The following OTOGL variants were observed in gnomAD, a reference collection of about 807,000 sequenced individuals.
OTOGL encodes the protein otogelin like.
Under a neutral mutation model 318.5 loss-of-function variants are expected in OTOGL, and 285 were observed. The observed-to-expected ratio is 0.89, with a 90% confidence interval of 0.81 to 0.99. OTOGL has a LOEUF of 0.99. OTOGL is among the 50% of genes least tolerant of loss of function. The probability of loss-of-function intolerance (pLI) is 0.00; values close to 1 mark genes in which losing one functional copy is unlikely to be tolerated. For missense variants in OTOGL, 2,899 were observed against 2,845.6 expected (o/e 1.02, Z -0.43); for synonymous variants, 987 against 936.5 (o/e 1.05, Z -0.99).
chr12:80,307,348 C>T (rs1021474397), intron 29 of OTOGL, among the ~76,000 whole-genome samples: 31 of 151,858 alleles, frequency 2.0e-4, no homozygotes, highest in African/African-American at 5.1e-4. Context: ...GGGTGGTGGC[C>T]GGGCAGAGGG....
chr12:80,329,337 C>A (rs997847598), intron 37 of OTOGL, among the ~76,000 whole-genome samples: 3 of 152,138 alleles, frequency 2.0e-5, no homozygotes, highest in African/African-American at 7.2e-5. Flanking sequence ...CTGAGACCCC[C>A]AAGTGCTGAG....
intron 20 of OTOGL, chr12:80,265,611 T>C (rs1421275772): frequency 5.0e-6 from 1 of 200,890 alleles, no homozygotes; most frequent in African/African-American, 2.3e-5. Context: ...TATCAAGTTA[T>C]TGGGGCTCTA....
chr12:80,181,481 AATCATTGTC>A (rs950030218), intron 1 of OTOGL, among the ~76,000 whole-genome samples: 21 of 152,030 alleles, frequency 1.4e-4, no homozygotes, highest in African/African-American at 5.1e-4. Flanking sequence ...GGGAGTCTCC[AATCATTGTC>A]ATCAGGATTA....
intron 26 of OTOGL, among the ~76,000 whole-genome samples, chr12:80,282,590 T>A (rs1002811489): frequency 6.6e-6 from 1 of 151,902 alleles, no homozygotes; most frequent in African/African-American, 2.4e-5. Flanking sequence ...GAAGGCACAC[T>A]AAAGAATACA....
chr12:80,170,987 A>C (rs531463729), intron 1 of OTOGL, among the ~76,000 whole-genome samples: 1 of 152,232 alleles, frequency 6.6e-6, no homozygotes, highest in African/African-American at 2.4e-5. Context: ...TTTCTTCCAC[A>C]ATTTTTATAG....
chr12:80,376,782 A>T (rs913837952), intron 57 of OTOGL, among the ~76,000 whole-genome samples: 4 of 152,150 alleles, frequency 2.6e-5, no homozygotes, highest in Admixed American at 2.6e-4. Context: ...TTTATTCCAA[A>T]AATTATTTTA....
chr12:80,163,748 C>A (rs977164418), intron 1 of OTOGL, among the ~76,000 whole-genome samples: 8 of 152,006 alleles, frequency 5.3e-5, no homozygotes, highest in African/African-American at 1.9e-4. Context: ...TCAATGGGCC[C>A]AGTTGGGTAT....
intron 11 of OTOGL, among the ~76,000 whole-genome samples, chr12:80,249,455 G>T (rs549216793): frequency 6.6e-6 from 1 of 151,406 alleles, no homozygotes; most frequent in Non-Finnish European, 1.5e-5. Context: ...CTGCTGGGGG[G>T]TGCCTCCCAG....
chr12:80,296,023 G>A (rs896411344), intron 26 of OTOGL, among the ~76,000 whole-genome samples: 1 of 152,090 alleles, frequency 6.6e-6, no homozygotes, highest in Non-Finnish European at 1.5e-5. Flanking sequence ...CAAGGAAAGG[G>A]GTCTACCTGG....
intron 1 of OTOGL, among the ~76,000 whole-genome samples, chr12:80,143,875 T>C (rs1565876450): frequency 6.6e-6 from 1 of 152,150 alleles, no homozygotes; most frequent in African/African-American, 2.4e-5. Flanking sequence ...TCATGTAGTA[T>C]GCTATTCAGG....
intron 26 of OTOGL, among the ~76,000 whole-genome samples, chr12:80,294,180 A>C (rs912757312): frequency 2.6e-5 from 4 of 152,074 alleles, no homozygotes; most frequent in African/African-American, 7.2e-5. Flanking sequence ...TATTAACTTG[A>C]AATACATTAG....
chr12:80,283,710 C>A (rs1884402227), intron 26 of OTOGL, among the ~76,000 whole-genome samples: 1 of 151,962 alleles, frequency 6.6e-6, no homozygotes, highest in South Asian at 2.1e-4. Flanking sequence ...AGCAATCTAA[C>A]ACTTGTGATA....
chr12:80,120,159 CATAGG>C (rs1484752573), intron 1 of OTOGL, among the ~76,000 whole-genome samples: 1 of 151,952 alleles, frequency 6.6e-6, no homozygotes, highest in Non-Finnish European at 1.5e-5. Context: ...TTTGGCCAAT[CATAGG>C]ATGGGGTAGC....
chr12:80,192,480 A>T (rs1306900443), intron 1 of OTOGL, among the ~76,000 whole-genome samples: 2 of 152,232 alleles, frequency 1.3e-5, no homozygotes, highest in Admixed American at 1.3e-4. Context: ...TTTGTGGGAA[A>T]ATAGAGGCTA....
At chr12:80,152,165 G>A (rs1194718453) in intron 1 of OTOGL, among the ~76,000 whole-genome samples, 1 of 152,092 alleles carries the variant, frequency 6.6e-6, no homozygotes, top group African/African-American at 2.4e-5. Context: ...ACATGAGCAT[G>A]TTAGGCTCTG....
At chr12:80,304,065 TA>T (rs1164675730) in intron 28 of OTOGL, among the ~76,000 whole-genome samples, 2 of 152,246 alleles carry the variant, frequency 1.3e-5, no homozygotes, top group Non-Finnish European at 2.9e-5. Flanking sequence ...AGATATCATA[TA>T]AATGGAATTG....
chr12:80,123,865 G>A (rs12371743), intron 1 of OTOGL, among the ~76,000 whole-genome samples: 81,473 of 151,618 alleles, frequency 0.54, 22,008 homozygotes, highest in Middle Eastern at 0.58. Flanking sequence ...CATATCCTTC[G>A]CCCACTTTTT....
At chr12:80,230,062 G>C (rs1021329136) in intron 8 of OTOGL, among the ~76,000 whole-genome samples, 1 of 151,676 alleles carries the variant, frequency 6.6e-6, no homozygotes, top group Non-Finnish European at 1.5e-5. Flanking sequence ...AATAATTATA[G>C]AGAGACTCAG....
intron 27 of OTOGL, among the ~76,000 whole-genome samples, chr12:80,298,989 G>T (rs1885588108): frequency 6.6e-6 from 1 of 152,096 alleles, no homozygotes; most frequent in Non-Finnish European, 1.5e-5. Flanking sequence ...CTCTCAGTTT[G>T]GTCTCCAAAC....
Sources: allele counts gnomAD v4.1 joint callset (sites outside exome capture counted in the v4.1 genomes callset), GRCh38; gene constraint gnomAD v4.1.1; transcripts MANE v1.5; gene names NCBI Gene and HGNC (gene_info 2026-07-23, HGNC 2026-07-21).